MTUS2: variants seen among roughly 807,000 people sequenced by gnomAD.
MTUS2 encodes microtubule-associated tumor suppressor candidate 2.
In MTUS2, 40 loss-of-function variants were observed where a neutral mutation model predicts 114.1. The observed-to-expected ratio is 0.35, with a 90% CI of 0.27 to 0.46. The LOEUF is 0.46. Among genes scored for constraint, MTUS2 ranks in the 20% least tolerant of loss-of-function variants. The pLI, the probability that MTUS2 is intolerant of heterozygous loss-of-function variation, is 1.00. For missense variants in MTUS2, 1,679 were observed against 1,705.4 expected (o/e 0.98, Z 0.27); for synonymous variants, 688 against 672.0 (o/e 1.02, Z -0.37).
chr13:29,354,240 A>AT (rs5802516), intron 7 of MTUS2, among the ~76,000 whole-genome samples: 1,891 of 120,344 alleles, frequency 0.016, 25 homozygotes, highest in Middle Eastern at 0.031. Flanking sequence ...TATTTTGGGC[A>AT]TTTTTTTTTT....
At chr13:29,501,808 G>A (rs1213980222) in intron 15 of MTUS2, among the ~76,000 whole-genome samples, 1 of 150,124 alleles carries the variant, frequency 6.7e-6, no homozygotes, top group African/African-American at 2.5e-5. Context: ...CACATAACTC[G>A]TGCATATGCA....
chr13:28,921,866 T>C (rs1028210948), intron 2 of MTUS2, among the ~76,000 whole-genome samples: 9 of 152,130 alleles, frequency 5.9e-5, no homozygotes, highest in African/African-American at 1.9e-4. Context: ...CTCTCCCAAG[T>C]GCACGGATTT....
intron 5 of MTUS2, among the ~76,000 whole-genome samples, chr13:29,158,525 A>G (rs1168284950): frequency 2.0e-5 from 3 of 151,958 alleles, no homozygotes; most frequent in African/African-American, 7.3e-5. Context: ...AGACTATAGC[A>G]ATTCAAGAGA....
intron 2 of MTUS2, among the ~76,000 whole-genome samples, chr13:28,861,726 G>A (rs747415861): frequency 6.6e-5 from 10 of 152,246 alleles, no homozygotes; most frequent in Non-Finnish European, 1.2e-4. Context: ...GCTGTGTGGA[G>A]CAATAGGGAA....
chr13:29,344,356 G>C (rs1426388290), intron 7 of MTUS2, among the ~76,000 whole-genome samples: 1 of 151,890 alleles, frequency 6.6e-6, no homozygotes, highest in Non-Finnish European at 1.5e-5. Context: ...ATACATTTAG[G>C]GTTGTGATAT....
chr13:29,265,541 A>G (rs1897635486), intron 5 of MTUS2, among the ~76,000 whole-genome samples: 1 of 152,206 alleles, frequency 6.6e-6, no homozygotes, highest in African/African-American at 2.4e-5. Context: ...ATAACCATGA[A>G]GAAATACTGG....
At chr13:29,393,370 A>G (rs1267608995) in intron 8 of MTUS2, among the ~76,000 whole-genome samples, 1 of 152,130 alleles carries the variant, frequency 6.6e-6, no homozygotes, top group African/African-American at 2.4e-5. Context: ...CCAGCTCCCA[A>G]GTGGAACCAT....
chr13:29,495,945 T>TCTATAG (rs1278813506), intron 12 of MTUS2, among the ~76,000 whole-genome samples: 1 of 151,844 alleles, frequency 6.6e-6, no homozygotes, highest in African/African-American at 2.4e-5. Context: ...TATCTATATA[T>TCTATAG]CTATATCTAT....
Position 29,504,984 on chromosome 13 carries a change from T to G in MTUS2, c.*1778T>G, listed in dbSNP as rs368418937. ...GCCCTAGGATGAGTCCACGCTGGGCTTCCGGGCCTCAGGTGCATCTCCAGC... is the reference window on the plus strand; with the variant it reads ...GCCCTAGGATGAGTCCACGCTGGGCGTCCGGGCCTCAGGTGCATCTCCAGC... On this transcript the variant is annotated 3_prime_UTR_variant, in exon 16 of 16. Coordinates refer to ENST00000612955, the MANE Select transcript of MTUS2 (RefSeq NM_001033602.4). 3.4e-5 allele frequency: 8 copies of G among 232,582 alleles called. No individual in the cohort carries two copies. The South Asian group carries it at 9.0e-4, about 26-fold the overall frequency. The allele number at this position is 232,582 out of a possible 1,614,324, so 14.4% of individuals were successfully genotyped here. A position where few individuals can be genotyped will look rare whatever the true frequency, so the allele number is the denominator to read the frequency against.
At position 29,487,906 on chromosome 13, in the gene MTUS2, G is replaced by T; in HGVS notation, c.3406G>T (p.Asp1136Tyr). The T allele has an allele frequency of 6.2e-7, 1 of 1,613,478 alleles. No homozygotes were observed. The highest frequency in any genetic ancestry group is 1.7e-4 in the Middle Eastern group (1 of 6,060). ...IRCQHQEQVE[D>Y]LTASHDAALL... The stretch of plus-strand genomic sequence containing the variant: ...AACTGCGACTCTCCTCCAGGTGGAA[G>T]ATCTCACCGCCAGCCATGATGCTGC... Residue 1136 changes from aspartate to tyrosine, a missense_variant, in exon 11 of 16, where the codon GAT (aspartate) becomes TAT (tyrosine). Physicochemically the swap from Asp to Tyr is radical, Grantham distance 160 (BLOSUM62 -3). Transcript: ENST00000612955.
intron 8 of MTUS2, among the ~76,000 whole-genome samples, chr13:29,416,950 T>G (rs1438248706): frequency 6.6e-6 from 1 of 152,206 alleles, no homozygotes; most frequent in Non-Finnish European, 1.5e-5. Context: ...ATAGTACGTT[T>G]CAATTATCTG....
intron 6 of MTUS2, among the ~76,000 whole-genome samples, chr13:29,294,458 AT>A (rs1898854292): frequency 6.6e-6 from 1 of 152,200 alleles, no homozygotes; most frequent in Non-Finnish European, 1.5e-5. Flanking sequence ...AGTACAATTA[AT>A]TTAATAAATT....
chr13:29,365,923 C>G (rs1870671929), intron 8 of MTUS2, among the ~76,000 whole-genome samples: 1 of 152,156 alleles, frequency 6.6e-6, no homozygotes. Flanking sequence ...GACTCTCTAA[C>G]AAGAGGAGAT....
intron 8 of MTUS2, among the ~76,000 whole-genome samples, chr13:29,360,477 A>G (rs1302407484): frequency 6.6e-6 from 1 of 152,106 alleles, no homozygotes; most frequent in Non-Finnish European, 1.5e-5. Context: ...AAAGCTTTCA[A>G]CAGAAAGAGC....
At chr13:29,031,269 T>TGTGTGTGTGTGTGTGTGTGTGG (rs1223710633) in intron 3 of MTUS2, among the ~76,000 whole-genome samples, 2 of 128,098 alleles carry the variant, frequency 1.6e-5, no homozygotes, top group African/African-American at 5.8e-5. Flanking sequence ...TGTGTGTGTG[T>TGTGTGTGTGTGTGTGTGTGTGG]GGTGTGTGTT....
chr13:29,487,076 G>A (rs971774436), intron 10 of MTUS2, among the ~76,000 whole-genome samples: 7 of 152,190 alleles, frequency 4.6e-5, no homozygotes, highest in African/African-American at 1.7e-4. Context: ...TAAACTGCTA[G>A]ACGTGTTCCT....
intron 4 of MTUS2, among the ~76,000 whole-genome samples, chr13:29,072,466 G>T (rs2475513): frequency 0.98 from 149,009 of 152,260 alleles, 72,958 homozygotes; most frequent in Non-Finnish European, 1. Flanking sequence ...GTAAAATGAG[G>T]GCATTTCAAC....
At chr13:29,212,411 A>G (rs915676826) in intron 5 of MTUS2, among the ~76,000 whole-genome samples, 14 of 152,150 alleles carry the variant, frequency 9.2e-5, no homozygotes, top group Non-Finnish European at 1.9e-4. Flanking sequence ...CTCTGTGGAC[A>G]CCACCCGAGT....
intron 2 of MTUS2, among the ~76,000 whole-genome samples, chr13:28,852,304 T>C (rs541296883): frequency 1.6e-4 from 24 of 152,274 alleles, no homozygotes; most frequent in South Asian, 8.3e-4. Flanking sequence ...CCAGTTGGAT[T>C]GGAAGCTCTG....
Sources: gnomAD v4.1 joint callset for allele counts (sites outside exome capture counted in the v4.1 genomes callset) on GRCh38, gnomAD v4.1.1 for gene constraint, MANE v1.5 for transcripts, NCBI Gene and HGNC (gene_info 2026-07-23, HGNC 2026-07-21) for gene names.